Variants in KNOP1 observed in about 807,000 individuals in gnomAD.
KNOP1 encodes the protein lysine rich nucleolar protein 1, also known as lysine-rich nucleolar protein 1.
Under a neutral mutation model 30.6 loss-of-function variants are expected in KNOP1, and 20 were observed. The observed-to-expected ratio is 0.65, with a 90% CI of 0.46 to 0.95. The LOEUF is 0.95. Ranked by LOEUF, KNOP1 falls within the 40% of genes least tolerant of loss-of-function variation. KNOP1 has a pLI of 0.00. For synonymous variants in KNOP1, 204 were observed against 210.0 expected (o/e 0.97, Z 0.25); for missense variants, 540 against 562.0 (o/e 0.96, Z 0.40).
Position 19,710,528 on chromosome 16 carries a change from GA to G in KNOP1, c.1045del (p.Ser349LeufsTer26). 2 of 1,612,832 alleles carry G rather than the reference GA, an allele frequency of 1.2e-6. No individual in the cohort carries two copies. The highest frequency in any genetic ancestry group is 1.7e-6 in the Non-Finnish European group (2 of 1,180,028). ...ACTTACCGTCCACTTCCTGGTTTCA[GA>G]AGCTTCCGTTTTGCCTGACTCGCGA... ...IDRESGKTEA[S>X]ETRKWTGTQF... On this transcript the variant is annotated frameshift_variant, in exon 4 of 5. Coordinates refer to ENST00000219837, the MANE Select transcript of KNOP1 (RefSeq NM_001012991.3). LOFTEE classifies it high-confidence loss of function.
rs989488761 is a variant in KNOP1 at position 19,702,674 on chromosome 16, G to T, written c.*4236C>A. On this transcript the variant is annotated 3_prime_UTR_variant, in exon 5 of 5. Coordinates refer to ENST00000219837, the MANE Select transcript of KNOP1 (RefSeq NM_001012991.3). The stretch of plus-strand genomic sequence containing the variant: ...ATCATTAGCAAGGATGGAGCAATAA[G>T]ATGTCAGCCAGAATTGTAGAAAATA... The T allele has an allele frequency of 6.6e-6, 1 of 152,140 alleles. No homozygotes were observed. The highest frequency in any genetic ancestry group is 1.5e-5 in the Non-Finnish European group (1 of 68,020). The allele number at this position is 152,140 out of a possible 1,614,324, so 9.4% of individuals were successfully genotyped here. A position where few individuals can be genotyped will look rare whatever the true frequency, so the allele number is the denominator to read the frequency against.
At chr16:19,717,524 A>T in intron 1 of KNOP1, 1 of 985,456 alleles carries the variant, frequency 1.0e-6, no homozygotes, top group Non-Finnish European at 1.2e-6. Flanking sequence ...GTTGCGGGTC[A>T]ACTCTTAATC....
At position 19,705,417 on chromosome 16, in the gene KNOP1, G is replaced by C. The variant is rs921981294; in HGVS notation, c.*1493C>G. The C allele has an allele frequency of 1.6e-5, 6 of 372,164 alleles. No homozygotes were observed. The highest frequency in any genetic ancestry group is 3.2e-5 in the Non-Finnish European group (6 of 186,892). 23.1% of individuals were successfully genotyped at this position (372,164 alleles called of 1,614,324 possible). A position where few individuals can be genotyped will look rare whatever the true frequency, so the allele number is the denominator to read the frequency against. On this transcript the variant is annotated 3_prime_UTR_variant, in exon 5 of 5. Coordinates refer to ENST00000219837, the MANE Select transcript of KNOP1 (RefSeq NM_001012991.3). ...GTCACAGATGGTCACATGCGACTTG[G>C]GCCACTGGACCTGGAGCTCTTTGAG... is the stretch of plus-strand genomic sequence containing the variant.
chr16:19,714,809 G>C lies in KNOP1; in HGVS notation c.227C>G (p.Thr76Ser). 6.2e-7 allele frequency: 1 copy of C among 1,614,030 alleles called. No homozygotes were observed. The highest frequency in any genetic ancestry group is 8.5e-7 in the Non-Finnish European group (1 of 1,180,002). ...AGGTTCTACATGCTCCTCGCAAAGG[G>C]TGCTGACACCCTTCTTTTTCTTCTT... is the stretch of plus-strand genomic sequence containing the variant. ...KKKKKKKGVS[T>S]LCEEHVEPET... The change falls in exon 2 of 5, where the codon ACC becomes AGC. Residue 76 changes from threonine to serine, a missense_variant. By Grantham distance (58) the Thr-to-Ser change is moderately conservative (BLOSUM62 1). Coordinates refer to ENST00000219837, the MANE Select transcript of KNOP1 (RefSeq NM_001012991.3).
chr16:19,710,386 A>T, intron 4 of KNOP1, 123 bp downstream of exon 4: 1 of 929,210 alleles, frequency 1.1e-6, no homozygotes, highest in Non-Finnish European at 1.8e-6. Context: ...GCTGCAGGCT[A>T]GGGCTGCCTC....
At chr16:19,713,954 A>G (rs984181582) in intron 2 of KNOP1, among the ~76,000 whole-genome samples, 164 bp downstream of exon 2, 4 of 152,168 alleles carry the variant, frequency 2.6e-5, no homozygotes, top group African/African-American at 7.2e-5. Flanking sequence ...CCAATTGCAT[A>G]TATCAATAAA....
At chr16:19,708,083 C>T (rs947507368) in intron 4 of KNOP1, among the ~76,000 whole-genome samples, 3 of 151,044 alleles carry the variant, frequency 2.0e-5, no homozygotes, top group Non-Finnish European at 4.4e-5. Context: ...GCCCAGCAGC[C>T]GGGCGCACTC....
chr16:19,717,233 G>A, intron 1 of KNOP1: 1 of 793,588 alleles, frequency 1.3e-6, no homozygotes, highest in Non-Finnish European at 1.5e-6. Flanking sequence ...GTGGTTTCAG[G>A]CATCCACTGG....
intron 4 of KNOP1, 127 bp from the exon 5 acceptor site, chr16:19,707,348 T>C (rs1976435984): frequency 1.4e-6 from 1 of 707,902 alleles, no homozygotes; most frequent in African/African-American, 1.8e-5. Flanking sequence ...ACAGTGCTAA[T>C]AAGCTCAACA....
intron 3 of KNOP1, among the ~76,000 whole-genome samples, chr16:19,710,827 C>T (rs1976675043): frequency 6.6e-6 from 1 of 150,464 alleles, no homozygotes; most frequent in South Asian, 2.1e-4. Flanking sequence ...ATGAATTTTC[C>T]TAGAAACTGA....
Position 19,714,601 on chromosome 16 carries a change from G to A in KNOP1, c.435C>T (p.Gly145=). The A allele has an allele frequency of 6.2e-7, 1 of 1,613,988 alleles. No individual in the cohort carries two copies. Among genetic ancestry groups the A allele is most frequent in the African/African-American group, 1.3e-5 (1 of 74,978 alleles). The part of the protein sequence containing the change: ...PRQGEEETRV[G]KKLKKHKKEK... Reference sequence around the variant, plus strand: ...CCTTCTTGTGTTTTTTGAGCTTCTTGCCAACTCTGGTTTCCTCCTCACCCT... The same window carrying A: ...CCTTCTTGTGTTTTTTGAGCTTCTTACCAACTCTGGTTTCCTCCTCACCCT... Residue 145 remains glycine, a synonymous_variant, in exon 2 of 5, where the codon GGC becomes GGT. Coordinates refer to ENST00000219837, the MANE Select transcript of KNOP1 (RefSeq NM_001012991.3).
At chr16:19,712,753 T>G (rs903251200) in intron 2 of KNOP1, among the ~76,000 whole-genome samples, 1 of 152,182 alleles carries the variant, frequency 6.6e-6, no homozygotes, top group Non-Finnish European at 1.5e-5. Flanking sequence ...CCGGACACTG[T>G]CTGGAGCAGG....
intron 4 of KNOP1, 73 bp downstream of exon 4, chr16:19,710,436 A>G (rs753828760): frequency 6.8e-7 from 1 of 1,475,102 alleles, no homozygotes; most frequent in South Asian, 1.1e-5. Context: ...TCCACTCCTC[A>G]TGCTGGAGGC....
chr16:19,717,536 C>T, intron 1 of KNOP1: 1 of 985,384 alleles, frequency 1.0e-6, no homozygotes, highest in Non-Finnish European at 1.2e-6. Flanking sequence ...CTCTTAATCC[C>T]CTTCTCTCCC....
intron 4 of KNOP1, among the ~76,000 whole-genome samples, chr16:19,709,387 T>C (rs1040606458): frequency 2.0e-5 from 3 of 152,258 alleles, no homozygotes; most frequent in African/African-American, 7.2e-5. Flanking sequence ...CTGCCAGCTG[T>C]GCCTCCAAAG....
intron 1 of KNOP1, chr16:19,715,298 C>G (rs1030470042): frequency 2.8e-5 from 10 of 359,932 alleles, no homozygotes; most frequent in African/African-American, 2.1e-4. Context: ...TCAATTTCTC[C>G]ATCTGGAAAA....
rs2151639720 is a variant in KNOP1, at chr16:19,705,557, C to T, written c.*1353G>A. 3.6e-6 allele frequency: 1 copy of T among 278,898 alleles called. No individual in the cohort carries two copies. The highest frequency in any genetic ancestry group is 2.2e-5 in the African/African-American group (1 of 44,944). The allele number at this position is 278,898 out of a possible 1,614,324, so 17.3% of individuals were successfully genotyped here. A position where few individuals can be genotyped will look rare whatever the true frequency, so the allele number is the denominator to read the frequency against. On this transcript the variant is annotated 3_prime_UTR_variant, in exon 5 of 5. Coordinates refer to ENST00000219837, the MANE Select transcript of KNOP1 (RefSeq NM_001012991.3). The stretch of plus-strand genomic sequence containing the variant: ...GCATTCAATATCCACCTACAGAAGT[C>T]ACCTGGGATTCTCTTCCTTGTGATA...
At chr16:19,711,575 C>T (rs184513116) in intron 2 of KNOP1, 135 bp from the exon 3 acceptor site, 1 of 743,922 alleles carries the variant, frequency 1.3e-6, no homozygotes, top group Non-Finnish European at 2.4e-6. Context: ...GCCCTGCCAC[C>T]TAGAAACATC....
Position 19,707,107 on chromosome 16 carries a change from C to T in KNOP1, c.1180G>A (p.Ala394Thr), listed in dbSNP as rs200258818. 1.1e-4 allele frequency: 179 copies of T among 1,614,134 alleles called. No individual in the cohort carries two copies. In the East Asian group the frequency reaches 3.7e-3, roughly 34 times the overall value. Residue 394 changes from alanine to threonine, a missense_variant, in exon 5 of 5, where the codon GCC becomes ACC. Physicochemically the swap from Ala to Thr is moderately conservative, Grantham distance 58. Coordinates refer to ENST00000219837, the MANE Select transcript of KNOP1 (RefSeq NM_001012991.3). ...KNLSPSFSRPASTIARPNMAL... is the reference protein window; with the variant it reads ...KNLSPSFSRPTSTIARPNMAL... The stretch of plus-strand genomic sequence containing the variant: ...ATGTTGGGCCTTGCAATCGTGCTGG[C>T]GGGGCGGCTGAACGAAGGGGACAGG...
Sources: allele counts gnomAD v4.1 joint callset (sites outside exome capture counted in the v4.1 genomes callset), GRCh38; gene constraint gnomAD v4.1.1; transcripts MANE v1.5; gene names NCBI Gene and HGNC (gene_info 2026-07-23, HGNC 2026-07-21).